Variants in NCOR2 observed in about 807,000 individuals in gnomAD.
NCOR2 encodes nuclear receptor corepressor 2.
A neutral mutation model predicts 262.9 loss-of-function variants in NCOR2; 81 were observed. The observed-to-expected ratio is 0.31, with a 90% CI of 0.26 to 0.37. The LOEUF is 0.37. Among genes scored for constraint, NCOR2 ranks in the 10% least tolerant of loss-of-function variants. NCOR2 has a pLI of 1.00. For synonymous variants in NCOR2, 1,659 were observed against 1,559.3 expected (o/e 1.06, Z -1.51); for missense variants, 3,385 against 3,621.4 (o/e 0.93, Z 1.68).
At position 124,389,236 on chromosome 12, in the gene NCOR2, C is replaced by T. The variant is rs1229070668; in HGVS notation, c.1877-3349G>A. On this transcript the variant is annotated intron_variant, in intron 16 of 46. Transcript: ENST00000405201. The surrounding 1 kb of genome is among the most constrained non-coding windows in gnomAD (Gnocchi z 4.4). ...CCCCGGGCCGGGCAAAATCCAAGGACCCAGGCCCAGCAGGGCAGCCGTGTC... is the reference window on the plus strand; with the variant it reads ...CCCCGGGCCGGGCAAAATCCAAGGATCCAGGCCCAGCAGGGCAGCCGTGTC... Among the ~76,000 whole-genome samples, 2 of 152,250 alleles carry T rather than the reference C, an allele frequency of 1.3e-5. No homozygotes were observed. Among genetic ancestry groups the T allele is most frequent in the East Asian group, 3.9e-4 (2 of 5,190 alleles).
chr12:124,431,993 CAT>C (rs1213472849), intron 8 of NCOR2, among the ~76,000 whole-genome samples: 5 of 151,954 alleles, frequency 3.3e-5, no homozygotes, highest in Non-Finnish European at 5.9e-5. Context: ...GACACACACA[CAT>C]GGTCATGCAG....
Position 124,483,080 on chromosome 12 carries a change from C to T in NCOR2, c.411+516G>A, listed in dbSNP as rs983550307. On this transcript the variant is annotated intron_variant, in intron 3 of 46. Transcript: ENST00000405201. The surrounding 1 kb of genome is among the most constrained non-coding windows in gnomAD (Gnocchi z 6.3). ...GCCCTGAGCTGTCCACCTCGCGGGC[C>T]GGGGTTCAAGGCCCAGGGGGCTGCC... Among the ~76,000 whole-genome samples the T allele has an allele frequency of 3.3e-5, 5 of 152,076 alleles. No individual in the cohort carries two copies. Among genetic ancestry groups the T allele is most frequent in the East Asian group, 3.9e-4 (2 of 5,172 alleles).
In NCOR2 at chr12:124,449,809, A is replaced by G; in HGVS notation, c.815+6T>C. 1 of 1,614,010 alleles carries G rather than the reference A, an allele frequency of 6.2e-7. No homozygotes were observed. The highest frequency in any genetic ancestry group is 8.5e-7 in the Non-Finnish European group (1 of 1,179,980). On this transcript the variant is annotated splice_donor_region_variant and intron_variant, in intron 7 of 46. Coordinates refer to ENST00000405201, the Ensembl canonical transcript of NCOR2. ...TGTGTCTGCACGGCTGCCCGCGAGC[A>G]CTCACATTTTGATGTTCTCATGATA...
chr12:124,331,172 C>T (rs2035158296), intron 43 of NCOR2, among the ~76,000 whole-genome samples: 1 of 151,742 alleles, frequency 6.6e-6, no homozygotes, highest in Non-Finnish European at 1.5e-5. Flanking sequence ...AAGTGATTCT[C>T]CTGCCTCAGC....
chr12:124,448,843 G>A (rs528433756), intron 7 of NCOR2, among the ~76,000 whole-genome samples: 11 of 152,214 alleles, frequency 7.2e-5, no homozygotes, highest in South Asian at 2.1e-4. Context: ...TTGAACAATC[G>A]GACCGGGCTG....
chr12:124,535,014 A>G (rs1208430516), intron 1 of NCOR2, among the ~76,000 whole-genome samples: 1 of 152,252 alleles, frequency 6.6e-6, no homozygotes, highest in East Asian at 1.9e-4. Context: ...CAGATGGAGA[A>G]ACAGAGATAC....
chr12:124,374,168 A>G (rs1040347247), intron 19 of NCOR2, among the ~76,000 whole-genome samples: 5 of 152,222 alleles, frequency 3.3e-5, no homozygotes, highest in Non-Finnish European at 7.3e-5. Context: ...CGGAGACCCA[A>G]GCGTACCAGT....
intron 13 of NCOR2, among the ~76,000 whole-genome samples, chr12:124,413,200 C>T (rs1565919965): frequency 2.0e-5 from 3 of 152,330 alleles, no homozygotes; most frequent in East Asian, 1.9e-4. Context: ...ACAGGAGGCA[C>T]GTGGGCGCTG....
At chr12:124,356,372 G>A (rs527946317) in intron 23 of NCOR2, among the ~76,000 whole-genome samples, 5 of 152,280 alleles carry the variant, frequency 3.3e-5, no homozygotes, top group African/African-American at 7.2e-5. Flanking sequence ...GCTCTAAGCC[G>A]TCAACGGAAA....
At chr12:124,560,349 CTTTA>C (rs1272435674) in intron 1 of NCOR2, among the ~76,000 whole-genome samples, 2 of 152,250 alleles carry the variant, frequency 1.3e-5, no homozygotes. Flanking sequence ...TCCAACAAAA[CTTTA>C]TTTATGGACA....
chr12:124,353,014 T>A (rs1235440317), intron 27 of NCOR2, among the ~76,000 whole-genome samples: 1 of 152,220 alleles, frequency 6.6e-6, no homozygotes, highest in African/African-American at 2.4e-5. Flanking sequence ...GCTGACTTCC[T>A]CACTATCTGG....
At position 124,483,763 on chromosome 12, in the gene NCOR2, G is replaced by A. The variant is rs769854774; in HGVS notation, c.244C>T (p.Leu82Phe). The A allele has an allele frequency of 2.5e-6, 4 of 1,603,670 alleles. No individual in the cohort carries two copies. The highest frequency in any genetic ancestry group is 3.4e-6 in the Non-Finnish European group (4 of 1,174,988). Residue 82 changes from leucine (L) to phenylalanine (F), a missense_variant, in exon 3 of 47, where the codon CTC (leucine) becomes TTC (phenylalanine). Physicochemically the swap from Leu to Phe is conservative, Grantham distance 22. Transcript: ENST00000405201. The surrounding 1 kb of genome is among the most constrained non-coding windows in gnomAD (Gnocchi z 6.3). Reference sequence around the variant, plus strand: ...GAGTGGGACTCTGGCCGCAGGTGGAGCTCCTGGGACCTGCAGGAGGTGAGG... The same window carrying A: ...GAGTGGGACTCTGGCCGCAGGTGGAACTCCTGGGACCTGCAGGAGGTGAGG...
chr12:124,522,262 TA>T (rs996153943), intron 1 of NCOR2, among the ~76,000 whole-genome samples: 1 of 152,224 alleles, frequency 6.6e-6, no homozygotes, highest in Admixed American at 6.5e-5. Flanking sequence ...CATGAGTGAT[TA>T]AAATAAAGTT....
At chr12:124,388,774 CAGG>C in intron 16 of NCOR2, 1 of 1,303,740 alleles carries the variant, frequency 7.7e-7, no homozygotes. Flanking sequence ...AGTGGGCCGG[CAGG>C]CTGGGCGGCC....
intron 16 of NCOR2, among the ~76,000 whole-genome samples, chr12:124,393,731 G>A (rs1863042885): frequency 1.3e-5 from 2 of 152,254 alleles, no homozygotes; most frequent in Non-Finnish European, 2.9e-5. Context: ...ACCCTAGGCT[G>A]CTCACTAAGC....
chr12:124,340,292 A>G lies in NCOR2; in HGVS notation c.5488+2T>C. ...CGGGGGGTGGGGGCTCTGATGCCCTACCAGGTCTCCAGATGGGTGCGTGCT... is the reference window on the plus strand; with the variant it reads ...CGGGGGGTGGGGGCTCTGATGCCCTGCCAGGTCTCCAGATGGGTGCGTGCT... On this transcript the variant is annotated splice_donor_variant, in intron 36 of 46. Transcript: ENST00000405201. LOFTEE classifies it high-confidence loss of function. 1 of 1,610,694 alleles carries G rather than the reference A, an allele frequency of 6.2e-7. No homozygotes were observed. The highest frequency in any genetic ancestry group is 8.5e-7 in the Non-Finnish European group (1 of 1,179,600).
In NCOR2 at chr12:124,354,386, T is replaced by C. The variant is rs368875677; in HGVS notation, c.3589+92A>G. 119 of 1,278,042 alleles carry C rather than the reference T, an allele frequency of 9.3e-5. 1 individual carries two copies. The East Asian group carries it at 2.1e-3, about 22-fold the overall frequency. The allele number at this position is 1,278,042 out of a possible 1,614,324, so 79.2% of individuals were successfully genotyped here. On this transcript the variant is annotated intron_variant, in intron 26 of 46. Transcript: ENST00000405201. ...AGGGGCCCCCAGACCCTCTGGGAGA[T>C]GACACTTCCCAGCAGGTTTTGAATA...
At chr12:124,430,977 TACAC>T (rs1394316822) in intron 8 of NCOR2, among the ~76,000 whole-genome samples, 190 bp from the exon 11 acceptor site, 3 of 150,102 alleles carry the variant, frequency 2.0e-5, no homozygotes, top group East Asian at 2.0e-4. Flanking sequence ...TACAGTCAGA[TACAC>T]ACAGGCACAC....
chr12:124,477,807 C>A (rs2047187183), intron 3 of NCOR2, among the ~76,000 whole-genome samples: 1 of 151,262 alleles, frequency 6.6e-6, no homozygotes, highest in Non-Finnish European at 1.5e-5. Context: ...AACTAATACA[C>A]CCCGCACAAG....
Sources: gnomAD v4.1 joint callset for allele counts (sites outside exome capture counted in the v4.1 genomes callset) on GRCh38, gnomAD v4.1.1 for gene constraint, Gnocchi (gnomAD v3.1) non-coding constraint, MANE v1.5 for transcripts, NCBI Gene and HGNC (gene_info 2026-07-23, HGNC 2026-07-21) for gene names.